Variants in USP33 observed in about 807,000 individuals in gnomAD.
USP33 encodes the protein ubiquitin specific peptidase 33.
USP33 carries 46 observed loss-of-function variants against 124.2 expected under a neutral mutation model. That is an observed-to-expected ratio of 0.37 (90% CI 0.29 to 0.47). The LOEUF is 0.47. USP33 is among the 20% of genes least tolerant of loss of function. The pLI is 0.99. For synonymous variants in USP33, 350 were observed against 352.3 expected, an observed-to-expected ratio of 0.99 and a Z score of 0.07; for missense variants, 851 against 1,070.6, an observed-to-expected ratio of 0.79 and a Z score of 2.86.
chr1:77,753,657 T>C (rs1166148746), intron 1 of USP33, among the ~76,000 whole-genome samples: 1 of 151,896 alleles, frequency 6.6e-6, no homozygotes, highest in African/African-American at 2.4e-5. Flanking sequence ...GAGTAAAGTT[T>C]CTGGAGCAAG....
At position 77,718,100 on chromosome 1, in the gene USP33, AT is replaced by A. The variant is rs1182778587; in HGVS notation, c.1738-54del. On this transcript the variant is annotated intron_variant, in intron 16 of 23. Coordinates refer to ENST00000370794, the MANE Select transcript of USP33 (RefSeq NM_201624.3). ...TTTGTCAATACAGAAAACAAAAAGC[AT>A]TATAACAGGTAAAACTTAGTAACAT... The A allele has an allele frequency of 8.2e-6, 12 of 1,454,942 alleles. No individual in the cohort carries two copies. The Admixed American group carries it at 1.1e-4, about 13-fold the overall frequency. The allele number at this position is 1,454,942 out of a possible 1,614,324, so 90.1% of individuals were successfully genotyped here. A position where few individuals can be genotyped will look rare whatever the true frequency, so the allele number is the denominator to read the frequency against.
In USP33 at chr1:77,730,734, A is replaced by G. The variant is rs201326641; in HGVS notation, c.525-3T>C. 68 of 1,561,206 alleles carry G rather than the reference A, an allele frequency of 4.4e-5. No homozygotes were observed. The Admixed American group carries it at 1.0e-3, about 23-fold the overall frequency. On this transcript the variant is annotated splice_region_variant and splice_polypyrimidine_tract_variant and intron_variant, in intron 7 of 23. Coordinates refer to ENST00000370794, the MANE Select transcript of USP33 (RefSeq NM_201624.3). ...GAAAAAACTGTGTCAAAGGTGGGCT[A>G]ATTTTAAAAAGAGAAAAATGTTAGA... is the stretch of plus-strand genomic sequence containing the variant.
intron 15 of USP33, among the ~76,000 whole-genome samples, chr1:77,719,891 G>A (rs1676363802): frequency 6.7e-6 from 1 of 148,598 alleles, no homozygotes; most frequent in Non-Finnish European, 1.5e-5. Flanking sequence ...GCCGGACACA[G>A]TGGCTCACGC....
chr1:77,735,282 C>A (rs1201144144), intron 6 of USP33, among the ~76,000 whole-genome samples: 2 of 152,142 alleles, frequency 1.3e-5, no homozygotes, highest in Non-Finnish European at 2.9e-5. Context: ...TCACTTTCAT[C>A]AGTTTACTTT....
chr1:77,729,112 C>T lies in USP33; in HGVS notation c.718-400G>A, dbSNP rs554775043. On this transcript the variant is annotated intron_variant, in intron 9 of 23. Coordinates refer to ENST00000370794, the MANE Select transcript of USP33 (RefSeq NM_201624.3). Reference sequence around the variant, plus strand: ...TTAGAAATGAGGTCTCCCTATGTTACCCAGGCTGGTCTCAAGCTCCTGGGC... The same window carrying T: ...TTAGAAATGAGGTCTCCCTATGTTATCCAGGCTGGTCTCAAGCTCCTGGGC... Among the ~76,000 whole-genome samples the T allele has an allele frequency of 6.7e-4, 102 of 152,184 alleles. 2 individuals are homozygous for T. In the South Asian group the frequency reaches 0.016, roughly 24 times the overall value.
chr1:77,725,972 CAG>C (rs1352961039), intron 10 of USP33, among the ~76,000 whole-genome samples: 2 of 152,136 alleles, frequency 1.3e-5, no homozygotes, highest in East Asian at 3.9e-4. Flanking sequence ...TTTTTTGAGA[CAG>C]AGTCTCCCTC....
intron 2 of USP33, 85 bp from the exon 3 acceptor site, chr1:77,741,514 A>AT: frequency 6.5e-7 from 1 of 1,539,526 alleles, no homozygotes. Context: ...CATCATACAT[A>AT]TTTTTAAAAT....
intron 10 of USP33, among the ~76,000 whole-genome samples, chr1:77,726,297 G>A (rs1486701941): frequency 6.6e-6 from 1 of 151,672 alleles, no homozygotes; most frequent in African/African-American, 2.4e-5. Flanking sequence ...TTTAGGAAGT[G>A]AGCAGTGGAA....
intron 21 of USP33, among the ~76,000 whole-genome samples, chr1:77,709,579 CAT>C (rs1557818873): frequency 6.6e-6 from 1 of 150,574 alleles, no homozygotes; most frequent in African/African-American, 2.4e-5. Context: ...ATTTTATATA[CAT>C]GTTTAATTTT....
chr1:77,708,747 G>GA (rs1236368500), intron 21 of USP33, among the ~76,000 whole-genome samples: 5 of 149,996 alleles, frequency 3.3e-5, no homozygotes, highest in Non-Finnish European at 7.4e-5. Flanking sequence ...TAGGGTTTGT[G>GA]ACTTTCCTCA....
chr1:77,697,818 G>T, intron 23 of USP33, 45 bp downstream of exon 23: 1 of 1,520,358 alleles, frequency 6.6e-7, no homozygotes, highest in South Asian at 1.2e-5. Context: ...TTCTAACAGT[G>T]ACAAATCACT....
chr1:77,727,839 T>G lies in USP33; in HGVS notation c.1135+456A>C, dbSNP rs1677333734. Among the ~76,000 whole-genome samples the G allele has an allele frequency of 2.0e-5, 3 of 152,216 alleles. No homozygotes were observed. In the South Asian group the frequency reaches 6.2e-4, roughly 31 times the overall value. ...CTCAAAGGAACACTGACTAGTATCA[T>G]GGCATAATCTATCACAGCAGGGCTC... On this transcript the variant is annotated intron_variant, in intron 10 of 23. Coordinates refer to ENST00000370794, the MANE Select transcript of USP33 (RefSeq NM_201624.3).
chr1:77,718,926 C>CAAA (rs1049500513), intron 15 of USP33, among the ~76,000 whole-genome samples: 4 of 52,460 alleles, frequency 7.6e-5, no homozygotes, highest in Admixed American at 2.0e-4. Flanking sequence ...GACCCTGCCT[C>CAAA]AAAAAAAAAA....
At chr1:77,719,541 T>A (rs1056053872) in intron 15 of USP33, among the ~76,000 whole-genome samples, 3 of 151,868 alleles carry the variant, frequency 2.0e-5, no homozygotes, top group African/African-American at 7.3e-5. Flanking sequence ...TTTATAAAAT[T>A]TGTAGTTCAA....
chr1:77,759,584 C>T lies in USP33; in HGVS notation c.-52+59G>A, dbSNP rs575161601. The T allele has an allele frequency of 1.0e-5, 4 of 398,164 alleles. No homozygotes were observed. In the Admixed American group the frequency reaches 1.3e-4, roughly 13 times the overall value. The allele number at this position is 398,164 out of a possible 1,614,324, so 24.7% of individuals were successfully genotyped here. On this transcript the variant is annotated intron_variant, in intron 1 of 23. Coordinates refer to ENST00000370794, the MANE Select transcript of USP33 (RefSeq NM_201624.3). ...GCGGAAGCGAGAACAGAGACCGGAC[C>T]CCGGACGCGAGCGAAACGCCCTTGG...
intron 21 of USP33, among the ~76,000 whole-genome samples, chr1:77,702,180 A>G (rs905700081): frequency 1.5e-5 from 2 of 130,020 alleles, no homozygotes; most frequent in African/African-American, 2.8e-5. Flanking sequence ...AAAAAAAACC[A>G]GTGGTACAGT....
chr1:77,729,622 G>A lies in USP33; in HGVS notation c.717+238C>T, dbSNP rs1212119275. ...GGAGGTGGAGGTTGCAGTGAGCCAA[G>A]ATTGCACCACTGCACTCCAGCCTGG... On this transcript the variant is annotated intron_variant, in intron 9 of 23. Coordinates refer to ENST00000370794, the MANE Select transcript of USP33 (RefSeq NM_201624.3). 3.3e-5 allele frequency among the ~76,000 whole-genome samples: 5 copies of A among 152,196 alleles called. No homozygotes were observed. The Middle Eastern group carries it at 0.01, about 311-fold the overall frequency.
rs1178186446 is a variant in USP33, at chr1:77,697,319, A to T, written c.2734T>A (p.Ter912LysextTer8). Residue 912 changes from the stop codon to lysine (K), a stop_lost, in exon 24 of 24, where the codon TAA becomes AAA. Transcript: ENST00000370794. Reference protein sequence around the residue: ...EKIEVETRSL* With the variant: ...EKIEVETRSLK ...TAGAACTCTCTACATCCTAAAAATTACAAAGACCGAGTTTCTACTTCAATT... is the reference window on the plus strand; with the variant it reads ...TAGAACTCTCTACATCCTAAAAATTTCAAAGACCGAGTTTCTACTTCAATT... 1 of 1,597,210 alleles carries T rather than the reference A, an allele frequency of 6.3e-7. No individual in the cohort carries two copies. The highest frequency in any genetic ancestry group is 8.5e-7 in the Non-Finnish European group (1 of 1,174,464).
At position 77,709,882 on chromosome 1, in the gene USP33, TACACACAC is replaced by T. The variant is rs35770178; in HGVS notation, c.2406+1857_2406+1864del. Among the ~76,000 whole-genome samples the T allele has an allele frequency of 2.1e-4, 30 of 144,884 alleles. No individual in the cohort carries two copies. The South Asian group carries it at 2.2e-3, about 11-fold the overall frequency. On this transcript the variant is annotated intron_variant, in intron 21 of 23. Transcript: ENST00000370794. ...TCAAGTTTCTATACATGCATACACA[TACACACAC>T]ACACACACACACACACACACACGTC...
Sources: allele counts gnomAD v4.1 joint callset (sites outside exome capture counted in the v4.1 genomes callset), GRCh38; gene constraint gnomAD v4.1.1; transcripts MANE v1.5; gene names NCBI Gene and HGNC (gene_info 2026-07-23, HGNC 2026-07-21).